CD58: variants seen among roughly 807,000 people sequenced by gnomAD.
CD58 encodes lymphocyte function-associated antigen 3.
In CD58, 14 loss-of-function variants were observed where a neutral mutation model predicts 27.6. The observed-to-expected ratio is 0.51, with a 90% confidence interval of 0.34 to 0.79. The LOEUF is 0.79. CD58 is among the 30% of genes least tolerant of loss of function. The probability of loss-of-function intolerance (pLI) is 0.02; values close to 1 mark genes in which losing one functional copy is unlikely to be tolerated. For synonymous variants in CD58, 117 were observed against 103.8 expected (o/e 1.13, Z -0.77); for missense variants, 268 against 301.7 (o/e 0.89, Z 0.83).
chr1:116,561,490 A>C (rs950392013), intron 1 of CD58, among the ~76,000 whole-genome samples: 2 of 152,220 alleles, frequency 1.3e-5, no homozygotes, highest in African/African-American at 4.8e-5. Flanking sequence ...TAAATATGTC[A>C]ATAAATTGCC....
rs1447618945 is a variant in CD58, at chr1:116,557,872, C to T, written c.70+13031G>A. On this transcript the variant is annotated intron_variant, in intron 1 of 5. Coordinates refer to ENST00000369489, the MANE Select transcript of CD58 (RefSeq NM_001779.3). This position sits in a 1 kb window ranked among gnomAD's most constrained non-coding sequence, Gnocchi z 5.2. ...TATTTTTTGTAGAAACAAGGTCTCA[C>T]TATGTTGCTCAGGCTGATCTCAAAC... Among the ~76,000 whole-genome samples the T allele has an allele frequency of 6.6e-6, 1 of 151,988 alleles. No homozygotes were observed. The highest frequency in any genetic ancestry group is 1.5e-5 in the Non-Finnish European group (1 of 68,002).
intron 1 of CD58, among the ~76,000 whole-genome samples, chr1:116,562,640 G>C (rs1375753424): frequency 6.6e-6 from 1 of 152,216 alleles, no homozygotes; most frequent in Non-Finnish European, 1.5e-5. Context: ...AGGCAAAGGA[G>C]AAGCAAAGTC....
rs1421498061 is a variant in CD58 at position 116,523,309 on chromosome 1, A to G, written c.629-1326T>C. 6.6e-6 allele frequency among the ~76,000 whole-genome samples: 1 copy of G among 152,236 alleles called. No homozygotes were observed. On this transcript the variant is annotated intron_variant, in intron 3 of 5. Transcript: ENST00000369489. This position sits in a 1 kb window ranked among gnomAD's most constrained non-coding sequence, Gnocchi z 4.4. ...TATTGAAAATCCAAAATCAGAGTACACAATGCACTGCTAAAGGATTGGGGA... is the reference window on the plus strand; with the variant it reads ...TATTGAAAATCCAAAATCAGAGTACGCAATGCACTGCTAAAGGATTGGGGA...
At chr1:116,556,262 A>C (rs1483767320) in intron 1 of CD58, among the ~76,000 whole-genome samples, 137 of 150,080 alleles carry the variant, frequency 9.1e-4, no homozygotes, top group Middle Eastern at 3.4e-3. Flanking sequence ...TCAGAAAAAA[A>C]AAAAAAAAAA....
Position 116,541,152 on chromosome 1 carries a change from A to G in CD58, c.364+3159T>C, listed in dbSNP as rs1316528376. On this transcript the variant is annotated intron_variant, in intron 2 of 5. Transcript: ENST00000369489. This position sits in a 1 kb window ranked among gnomAD's most constrained non-coding sequence, Gnocchi z 5.3. Reference sequence around the variant, plus strand: ...TTTAAAACAGTTCATCAAGTTTAAGAGGAGAAATTTATTCAAATGTTTTGA... The same window carrying G: ...TTTAAAACAGTTCATCAAGTTTAAGGGGAGAAATTTATTCAAATGTTTTGA... Among the ~76,000 whole-genome samples the G allele has an allele frequency of 6.6e-6, 1 of 152,162 alleles. No homozygotes were observed. The highest frequency in any genetic ancestry group is 1.5e-5 in the Non-Finnish European group (1 of 67,990).
chr1:116,544,982 G>C lies in CD58; in HGVS notation c.71-378C>G, dbSNP rs141996540. On this transcript the variant is annotated intron_variant, in intron 1 of 5. Transcript: ENST00000369489. ...GAAGTCATGCTGGAACTGACATAAC[G>C]TGCAAATCACTGAAGGATAAAAGGC... is the stretch of plus-strand genomic sequence containing the variant. Among the ~76,000 whole-genome samples the C allele has an allele frequency of 2.8e-3, 431 of 152,320 alleles. 1 individual carries two copies. Among genetic ancestry groups the C allele is most frequent in the South Asian group, 6.0e-3 (29 of 4,832 alleles).
intron 2 of CD58, among the ~76,000 whole-genome samples, chr1:116,543,418 G>C (rs1658056780): frequency 6.6e-6 from 1 of 151,974 alleles, no homozygotes; most frequent in Non-Finnish European, 1.5e-5. Flanking sequence ...GGACAATATT[G>C]AAAGAATTTT....
chr1:116,570,847 G>A lies in CD58; in HGVS notation c.70+56C>T, dbSNP rs2101246277. 1 of 1,413,388 alleles carries A rather than the reference G, an allele frequency of 7.1e-7. No homozygotes were observed. Among genetic ancestry groups the A allele is most frequent in the Non-Finnish European group, 9.6e-7 (1 of 1,044,924 alleles). 87.6% of individuals were successfully genotyped at this position (1,413,388 alleles called of 1,614,324 possible). A position where few individuals can be genotyped will look rare whatever the true frequency, so the allele number is the denominator to read the frequency against. On this transcript the variant is annotated intron_variant, in intron 1 of 5. Transcript: ENST00000369489. This position sits in a 1 kb window ranked among gnomAD's most constrained non-coding sequence, Gnocchi z 6.4. ...GAGCCCGGCGCGTCCACCCAGCCTG[G>A]GTGCTGCCCAGTACCCGCCGGCCGG...
chr1:116,544,613 GAA>G lies in CD58; in HGVS notation c.71-11_71-10del. On this transcript the variant is annotated splice_polypyrimidine_tract_variant and intron_variant, in intron 1 of 5. Coordinates refer to ENST00000369489, the MANE Select transcript of CD58 (RefSeq NM_001779.3). Reference sequence around the variant, plus strand: ...AAAACAGCTGATGAAACCTAGGAGAGAAAAAAAAATTGGTTAGAAAAAACAAC... The same window carrying G: ...AAAACAGCTGATGAAACCTAGGAGAGAAAAAAATTGGTTAGAAAAAACAAC... 1 of 1,522,606 alleles carries G rather than the reference GAA, an allele frequency of 6.6e-7. No individual in the cohort carries two copies. The highest frequency in any genetic ancestry group is 8.8e-7 in the Non-Finnish European group (1 of 1,133,440). The allele number at this position is 1,522,606 out of a possible 1,614,324, so 94.3% of individuals were successfully genotyped here. A position where few individuals can be genotyped will look rare whatever the true frequency, so the allele number is the denominator to read the frequency against.
Position 116,559,986 on chromosome 1 carries a change from G to A in CD58, c.70+10917C>T, listed in dbSNP as rs1014560095. Reference sequence around the variant, plus strand: ...ATCTGAAGACCTGGTATTAAAAAGTGGAACATAAAATCTCTTGTTAATATT... The same window carrying A: ...ATCTGAAGACCTGGTATTAAAAAGTAGAACATAAAATCTCTTGTTAATATT... On this transcript the variant is annotated intron_variant, in intron 1 of 5. Coordinates refer to ENST00000369489, the MANE Select transcript of CD58 (RefSeq NM_001779.3). This position sits in a 1 kb window ranked among gnomAD's most constrained non-coding sequence, Gnocchi z 4.4. 1.3e-5 allele frequency: 2 copies of A among 153,950 alleles called. No homozygotes were observed. Among genetic ancestry groups the A allele is most frequent in the Non-Finnish European group, 2.9e-5 (2 of 68,014 alleles). 9.5% of individuals were successfully genotyped at this position (153,950 alleles called of 1,614,324 possible). A position where few individuals can be genotyped will look rare whatever the true frequency, so the allele number is the denominator to read the frequency against.
intron 1 of CD58, among the ~76,000 whole-genome samples, chr1:116,554,144 A>G (rs978381315): frequency 6.6e-5 from 10 of 152,212 alleles, no homozygotes. Context: ...GATGTTAACA[A>G]ATAAAACAAT....
chr1:116,548,786 T>G (rs1658283031), intron 1 of CD58, among the ~76,000 whole-genome samples: 1 of 152,222 alleles, frequency 6.6e-6, no homozygotes, highest in Non-Finnish European at 1.5e-5. Context: ...TTACTCCCAT[T>G]TCACTGGTGA....
intron 1 of CD58, among the ~76,000 whole-genome samples, chr1:116,561,482 AAT>A (rs1430851756): frequency 2.0e-5 from 3 of 152,204 alleles, no homozygotes; most frequent in African/African-American, 4.8e-5. Context: ...GTTAATAATA[AAT>A]ATGTCAATAA....
Position 116,544,392 on chromosome 1 carries a change from A to G in CD58, c.283T>C (p.Leu95=). The change falls in exon 2 of 6, where the codon TTA becomes CTA. Residue 95 remains leucine, a synonymous_variant. Transcript: ENST00000369489. ...TACTCATCTTCATCTGATGATGTTA[A>G]GTTGTAGATAGTGAGGCTACCTGAC... The part of the protein sequence containing the change: ...TVSGSLTIYN[L]TSSDEDEYEM... 6.2e-7 allele frequency: 1 copy of G among 1,612,568 alleles called. No homozygotes were observed. Among genetic ancestry groups the G allele is most frequent in the Non-Finnish European group, 8.5e-7 (1 of 1,178,802 alleles).
At position 116,532,889 on chromosome 1, in the gene CD58, G is replaced by A; in HGVS notation, c.628+3076C>T. 3 of 778,790 alleles carry A rather than the reference G, an allele frequency of 3.9e-6. No individual in the cohort carries two copies. The highest frequency in any genetic ancestry group is 1.5e-5 in the South Asian group (1 of 68,416). The allele number at this position is 778,790 out of a possible 1,614,324, so 48.2% of individuals were successfully genotyped here. On this transcript the variant is annotated intron_variant, in intron 3 of 5. Coordinates refer to ENST00000369489, the MANE Select transcript of CD58 (RefSeq NM_001779.3). This position sits in a 1 kb window ranked among gnomAD's most constrained non-coding sequence, Gnocchi z 5.1. ...GCAAAGACTGAGGCCTCCCGCTACA[G>A]GCCCGGAGTCGCGACAGCCGGTCTG...
rs1463136267 is a variant in CD58, at chr1:116,570,359, G to C, written c.70+544C>G. Among the ~76,000 whole-genome samples the C allele has an allele frequency of 6.6e-6, 1 of 152,176 alleles. No homozygotes were observed. Among genetic ancestry groups the C allele is most frequent in the East Asian group, 1.9e-4 (1 of 5,186 alleles). ...CCCAACGTGAGGCCGCTGCCGACTG[G>C]GCTTCCTAGTTGCCTACCCGCTCCT... On this transcript the variant is annotated intron_variant, in intron 1 of 5. Transcript: ENST00000369489. This position sits in a 1 kb window ranked among gnomAD's most constrained non-coding sequence, Gnocchi z 6.4.
chr1:116,525,486 C>T (rs1657399417), intron 3 of CD58, among the ~76,000 whole-genome samples: 1 of 152,178 alleles, frequency 6.6e-6, no homozygotes, highest in Non-Finnish European at 1.5e-5. Flanking sequence ...AATAAAGATG[C>T]TATAACCATC....
Position 116,521,886 on chromosome 1 carries a change from GT to G in CD58, c.706+19del. ...ACAATGCAAGTTTTCAAACTATTTT[GT>G]TTTAAAAAGCATACATACCATTCAT... is the stretch of plus-strand genomic sequence containing the variant. On this transcript the variant is annotated intron_variant, in intron 4 of 5. Coordinates refer to ENST00000369489, the MANE Select transcript of CD58 (RefSeq NM_001779.3). The surrounding 1 kb of genome is among the most constrained non-coding windows in gnomAD (Gnocchi z 5.6). 7.7e-7 allele frequency: 1 copy of G among 1,296,216 alleles called. No homozygotes were observed. The allele number at this position is 1,296,216 out of a possible 1,614,324, so 80.3% of individuals were successfully genotyped here. A position where few individuals can be genotyped will look rare whatever the true frequency, so the allele number is the denominator to read the frequency against.
Position 116,541,336 on chromosome 1 carries a change from T to C in CD58, c.364+2975A>G, listed in dbSNP as rs56302466. The stretch of plus-strand genomic sequence containing the variant: ...CAAGGAAATCTTCTAAGAGGATACT[T>C]TGACATCTTAGCAAGCTGTATTTGT... On this transcript the variant is annotated intron_variant, in intron 2 of 5. Transcript: ENST00000369489. The surrounding 1 kb of genome is among the most constrained non-coding windows in gnomAD (Gnocchi z 5.3). Among the ~76,000 whole-genome samples the C allele has an allele frequency of 0.16, 24,027 of 152,226 alleles. 2,497 individuals carry two copies. The highest frequency in any genetic ancestry group is 0.33 in the Middle Eastern group (98 of 294).
Sources: gnomAD v4.1 joint callset for allele counts (sites outside exome capture counted in the v4.1 genomes callset) on GRCh38, gnomAD v4.1.1 for gene constraint, Gnocchi (gnomAD v3.1) non-coding constraint, MANE v1.5 for transcripts, NCBI Gene and HGNC (gene_info 2026-07-23, HGNC 2026-07-21) for gene names.